Variants in SP140 observed in about 807,000 individuals in gnomAD.
The protein encoded by SP140 is SP140 nuclear body protein.
Under a neutral mutation model 125.0 loss-of-function variants are expected in SP140, and 81 were observed. The ratio of observed to expected loss-of-function variants is 0.65; its 90% CI spans 0.54 to 0.78. SP140 has a LOEUF of 0.78. SP140 is among the 30% of genes least tolerant of loss of function. SP140 has a pLI of 0.00. For synonymous variants in SP140, 312 were observed against 354.0 expected (o/e 0.88, Z 1.33); for missense variants, 858 against 1,037.0 (o/e 0.83, Z 2.37).
intron 12 of SP140, among the ~76,000 whole-genome samples, chr2:230,269,280 A>C (rs1354499006): frequency 6.6e-6 from 1 of 152,250 alleles, no homozygotes; most frequent in Non-Finnish European, 1.5e-5. Context: ...TGGAATGATA[A>C]GAGTTTCCTT....
the SP140 span, among the ~76,000 whole-genome samples, chr2:230,192,591 C>A: frequency 2.2e-4 from 34 of 152,214 alleles, no homozygotes; most frequent in African/African-American, 7.5e-4. Flanking sequence ...TGGGAAGGAC[C>A]TCTTCAAGGA....
At chr2:230,309,572 C>G (rs372403370) in intron 22 of SP140, among the ~76,000 whole-genome samples, 7 of 152,300 alleles carry the variant, frequency 4.6e-5, no homozygotes, top group African/African-American at 1.7e-4. Context: ...GTGGTATAGG[C>G]AAATTGATTT....
At chr2:230,201,197 A>G (rs2043152647), upstream of SP140, among the ~76,000 whole-genome samples, 1 of 152,218 alleles carries the variant, frequency 6.6e-6, no homozygotes, top group South Asian at 2.1e-4. Context: ...CTACCAATGG[A>G]GACATCCACA....
rs759337279 is a variant in SP140, at chr2:230,216,917, A to G, written c.-91+2843A>G. ...AAGAGCCTCTTCCATGGCTCTTGTC[A>G]TGGTGAACATCCTATGGAAAGAGGC... On this transcript the variant is annotated intron_variant, in intron 3 of 4. Coordinates refer to the SP140 transcript ENST00000456542. 3.1e-6 allele frequency: 5 copies of G among 1,613,642 alleles called. No individual in the cohort carries two copies. Among genetic ancestry groups the G allele is most frequent in the Non-Finnish European group, 2.5e-6 (3 of 1,179,928 alleles).
intron 18 of SP140, among the ~76,000 whole-genome samples, chr2:230,289,720 C>A (rs969490578): frequency 2.6e-5 from 4 of 152,176 alleles, no homozygotes; most frequent in Admixed American, 6.5e-5. Context: ...AGTGATCCAC[C>A]TGCCTTGCCC....
rs144549004 is a variant in SP140, at chr2:230,265,837, C to A, written c.1241-3695C>A. On this transcript the variant is annotated intron_variant, in intron 12 of 26. Transcript: ENST00000392045. ...TCCTGCAGGTGCAATCTGCTTCCTT[C>A]AGAGGGTCATGTTGCCTAGGCTGGT... 1.2e-4 allele frequency among the ~76,000 whole-genome samples: 19 copies of A among 152,078 alleles called. No homozygotes were observed. In the East Asian group the frequency reaches 3.7e-3, roughly 29 times the overall value.
In SP140 at chr2:230,284,408, A is replaced by T; in HGVS notation, c.1561A>T (p.Asn521Tyr). The change falls in exon 16 of 27, where the codon AAT (asparagine) becomes TAT (tyrosine). Residue 521 changes from asparagine to tyrosine, a missense_variant. Around this residue, in one of 4 missense-constraint regions of SP140, gnomAD observed 791 missense variants for 869.5 expected, o/e 0.91. Coordinates refer to ENST00000392045, the MANE Select transcript of SP140 (RefSeq NM_007237.5). Reference sequence around the variant, plus strand: ...GAGAAGGCAGGAAAACAGCCAACAAAATGGTAAGCAGGCAAAGTGAAGTAG... The same window carrying T: ...GAGAAGGCAGGAAAACAGCCAACAATATGGTAAGCAGGCAAAGTGAAGTAG... ...RMRRQENSQQNDNSKADGQVV... is the reference protein window; with the variant it reads ...RMRRQENSQQYDNSKADGQVV... The T allele has an allele frequency of 6.2e-7, 1 of 1,608,550 alleles. No homozygotes were observed. Among genetic ancestry groups the T allele is most frequent in the Non-Finnish European group, 8.5e-7 (1 of 1,177,314 alleles).
chr2:230,267,407 C>T (rs1183311163), intron 12 of SP140, among the ~76,000 whole-genome samples: 1 of 152,194 alleles, frequency 6.6e-6, no homozygotes, highest in Non-Finnish European at 1.5e-5. Flanking sequence ...CTACCTATTA[C>T]ATTTATAGAG....
At chr2:230,252,821 G>T (rs1432441677) in intron 10 of SP140, among the ~76,000 whole-genome samples, 2 of 152,134 alleles carry the variant, frequency 1.3e-5, no homozygotes, top group African/African-American at 4.8e-5. Context: ...GCCAGCTGGG[G>T]GTTCAGGGCC....
intron 4 of SP140, among the ~76,000 whole-genome samples, chr2:230,243,320 G>T (rs1476065659): frequency 6.6e-6 from 1 of 152,142 alleles, no homozygotes; most frequent in South Asian, 2.1e-4. Context: ...AGGCACAATT[G>T]GGAGACCAAG....
In SP140 at chr2:230,292,721, A is replaced by G. The variant is rs780635554; in HGVS notation, c.1901A>G (p.His634Arg). ...ACGGAATTTGAAATCAAAGGAGGCC[A>G]TGCAAGATCAAAGAACTGGAGGCTG... ...TPTEFEIKGG[H>R]ARSKNWRLSV... The change falls in exon 20 of 27, where the codon CAT becomes CGT. Residue 634 changes from histidine to arginine, a missense_variant. His to Arg is a conservative substitution (Grantham distance 29, BLOSUM62 0). Coordinates refer to ENST00000392045, the MANE Select transcript of SP140 (RefSeq NM_007237.5). 3 of 1,614,258 alleles carry G rather than the reference A, an allele frequency of 1.9e-6. No individual in the cohort carries two copies. The South Asian group carries it at 3.3e-5, about 18-fold the overall frequency.
At chr2:230,272,067 C>T (rs1559304975) in intron 15 of SP140, among the ~76,000 whole-genome samples, 2 of 152,088 alleles carry the variant, frequency 1.3e-5, no homozygotes, top group Non-Finnish European at 2.9e-5. Flanking sequence ...TGACAGATGA[C>T]ACAAACAAAT....
At chr2:230,301,989 A>G (rs917111651) in intron 22 of SP140, among the ~76,000 whole-genome samples, 4 of 152,218 alleles carry the variant, frequency 2.6e-5, no homozygotes, top group Non-Finnish European at 4.4e-5. Flanking sequence ...GTATTCTTAC[A>G]TCATACAAAA....
chr2:230,207,235 A>G (rs1166747140), intron 1 of SP140, among the ~76,000 whole-genome samples: 2 of 152,118 alleles, frequency 1.3e-5, no homozygotes, highest in Admixed American at 6.5e-5. Flanking sequence ...TCCCTTATAC[A>G]TGAGTTGTAG....
intron 12 of SP140, among the ~76,000 whole-genome samples, chr2:230,264,986 G>A (rs1251662467): frequency 1.3e-5 from 2 of 152,184 alleles, no homozygotes; most frequent in Non-Finnish European, 2.9e-5. Context: ...ATCAGCTGTG[G>A]TATTATGGGG....
chr2:230,233,489 C>T (rs1278268832), intron 1 of SP140, among the ~76,000 whole-genome samples: 8 of 152,054 alleles, frequency 5.3e-5, no homozygotes, highest in Admixed American at 5.2e-4. Flanking sequence ...TAGAACAGTG[C>T]TTCTCAAGTA....
At chr2:230,314,231 T>C (rs969789981), downstream of SP140, among the ~76,000 whole-genome samples, 6 of 152,138 alleles carry the variant, frequency 3.9e-5, no homozygotes, top group African/African-American at 1.4e-4. Flanking sequence ...TCTTTCCCCT[T>C]GTTGGAAGAA....
intron 22 of SP140, among the ~76,000 whole-genome samples, chr2:230,299,548 C>CAA (rs2058092251): frequency 6.6e-6 from 1 of 152,144 alleles, no homozygotes; most frequent in East Asian, 1.9e-4. Flanking sequence ...AGGAGGCTTC[C>CAA]AGCTGAACTT....
intron 15 of SP140, among the ~76,000 whole-genome samples, chr2:230,276,833 C>T (rs548062207): frequency 2.0e-5 from 3 of 152,176 alleles, no homozygotes; most frequent in East Asian, 1.9e-4. Context: ...TTACAATCCT[C>T]GTGGATGACT....
Sources: allele counts gnomAD v4.1 joint callset (sites outside exome capture counted in the v4.1 genomes callset), GRCh38; gene constraint gnomAD v4.1.1; regional missense constraint gnomAD v4.1.1; transcripts MANE v1.5; gene names NCBI Gene and HGNC (gene_info 2026-07-23, HGNC 2026-07-21).